The following HHLA1 variants were observed in gnomAD, a reference collection of about 807,000 sequenced individuals.
The protein encoded by HHLA1 is HHLA1 neighbor of OC90.
A neutral mutation model predicts 69.9 loss-of-function variants in HHLA1; 72 were observed. The ratio of observed to expected loss-of-function variants is 1.03; its 90% CI spans 0.85 to 1.25. The LOEUF (loss-of-function observed/expected upper bound fraction) is 1.25, where lower values mean the gene tolerates loss of function less well. Among genes scored for constraint, HHLA1 ranks in the 50% most tolerant of loss-of-function variants. The pLI, the probability that HHLA1 is intolerant of heterozygous loss-of-function variation, is 0.00. For missense variants in HHLA1, 685 were observed against 642.2 expected, an observed-to-expected ratio of 1.07 and a Z score of -0.72; for synonymous variants, 252 against 233.2, an observed-to-expected ratio of 1.08 and a Z score of -0.73.
chr8:132,072,048 G>T (rs1183040505), intron 14 of HHLA1, among the ~76,000 whole-genome samples: 1 of 152,136 alleles, frequency 6.6e-6, no homozygotes, highest in East Asian at 1.9e-4. Flanking sequence ...AAGAAGGGCA[G>T]GTTGAAAGAT....
chr8:132,108,292 GA>G (rs1250346192), intron 1 of HHLA1, among the ~76,000 whole-genome samples: 1 of 152,118 alleles, frequency 6.6e-6, no homozygotes, highest in African/African-American at 2.4e-5. Flanking sequence ...AAGTAATGGC[GA>G]AAACCTCAAT....
rs1157231389 is a variant in HHLA1, at chr8:132,070,112, C to T, written c.1469+1228G>A. On this transcript the variant is annotated intron_variant, in intron 15 of 16. Coordinates refer to ENST00000414222, the MANE Select transcript of HHLA1 (RefSeq NM_001145095.3). ...GACTCAGAGGCAGAAATTTTAAAAG[C>T]TAATGGATCTTGAGAGTAGTCTTTG... 2.2e-5 allele frequency: 6 copies of T among 269,326 alleles called. No individual in the cohort carries two copies. In the Admixed American group the frequency reaches 3.4e-4, roughly 15 times the overall value. 16.7% of individuals were successfully genotyped at this position (269,326 alleles called of 1,614,324 possible).
At chr8:132,099,190 C>T (rs1824075605) in intron 4 of HHLA1, among the ~76,000 whole-genome samples, 1 of 152,140 alleles carries the variant, frequency 6.6e-6, no homozygotes, top group Non-Finnish European at 1.5e-5. Flanking sequence ...CAATGAAGCA[C>T]AGGAAACATG....
chr8:132,086,262 A>T (rs1176558064), intron 10 of HHLA1, among the ~76,000 whole-genome samples: 1 of 152,174 alleles, frequency 6.6e-6, no homozygotes. Context: ...TCCCGTTGGG[A>T]AGACAAAGAC....
intron 1 of HHLA1, among the ~76,000 whole-genome samples, chr8:132,108,930 C>T (rs1563751571): frequency 6.6e-6 from 1 of 152,212 alleles, no homozygotes; most frequent in Non-Finnish European, 1.5e-5. Flanking sequence ...TGTCACTTCT[C>T]CACAAATCGG....
In HHLA1 at chr8:132,077,964, C is replaced by T. The variant is rs1193769692; in HGVS notation, c.933G>A (p.Arg311=). The change falls in exon 12 of 17, where the codon AGG becomes AGA. Residue 311 remains arginine, a synonymous_variant. Coordinates refer to ENST00000414222, the MANE Select transcript of HHLA1 (RefSeq NM_001145095.3). ...ASHTLPALAT[R]RVARTQWLTA... is the part of the protein sequence containing the mutation. ...TCAACCACTGAGTTCTGGCCACCCT[C>T]CTGGTAGCTGCACATTCAAAGTGAC... 1.3e-6 allele frequency: 2 copies of T among 1,551,598 alleles called. No individual in the cohort carries two copies. Among genetic ancestry groups the T allele is most frequent in the Admixed American group, 3.9e-5 (2 of 50,992 alleles).
At chr8:132,084,258 G>A (rs1428408869) in intron 10 of HHLA1, among the ~76,000 whole-genome samples, 10 of 152,080 alleles carry the variant, frequency 6.6e-5, no homozygotes, top group African/African-American at 2.2e-4. Context: ...GGAGGCTGAG[G>A]GAGAATTGGG....
intron 1 of HHLA1, 72 bp from the exon 2 acceptor site, chr8:132,105,358 G>A: frequency 1.1e-6 from 1 of 917,480 alleles, no homozygotes. Context: ...AACAGTGCGT[G>A]AGGAATCATT....
chr8:132,084,498 T>C (rs1457503475), intron 10 of HHLA1, among the ~76,000 whole-genome samples: 1 of 152,114 alleles, frequency 6.6e-6, no homozygotes, highest in Non-Finnish European at 1.5e-5. Flanking sequence ...GTTTGCCTAT[T>C]TTACGACAAG....
At chr8:132,071,805 G>C (rs147620028) in intron 14 of HHLA1, among the ~76,000 whole-genome samples, 46 of 152,288 alleles carry the variant, frequency 3.0e-4, no homozygotes, top group Middle Eastern at 3.4e-3. Flanking sequence ...TGGTGTAAGG[G>C]ACAGGGCATA....
rs188043057 is a variant in HHLA1, at chr8:132,077,121, C to T, written c.1172-578G>A. 3.3e-3 allele frequency among the ~76,000 whole-genome samples: 497 copies of T among 152,156 alleles called. 2 individuals carry two copies. Among genetic ancestry groups the T allele is most frequent in the Middle Eastern group, 0.014 (4 of 294 alleles). On this transcript the variant is annotated intron_variant, in intron 12 of 16. Transcript: ENST00000414222. ...GAGACCAGTGAGAGAGAAGCTCAAG[C>T]AGGCAAGTTCCGTCATATGGATAAG...
At position 132,065,929 on chromosome 8, in the gene HHLA1, T is replaced by C; in HGVS notation, c.1509A>G (p.Ala503=). The part of the protein sequence containing the change: ...LEYYSWFLKN[A]TYICQRVKRV... Reference sequence around the variant, plus strand: ...TTTTCACCCTCTGACAGATATATGTTGCATTCTTCAGAAACCAGGAATAGT... The same window carrying C: ...TTTTCACCCTCTGACAGATATATGTCGCATTCTTCAGAAACCAGGAATAGT... The change falls in exon 16 of 17, where the codon GCA becomes GCG. Residue 503 remains alanine, a synonymous_variant. Transcript: ENST00000414222. The C allele has an allele frequency of 7.7e-7, 1 of 1,303,124 alleles. No homozygotes were observed. The highest frequency in any genetic ancestry group is 1.0e-6 in the Non-Finnish European group (1 of 986,824). The allele number at this position is 1,303,124 out of a possible 1,614,324, so 80.7% of individuals were successfully genotyped here. A position where few individuals can be genotyped will look rare whatever the true frequency, so the allele number is the denominator to read the frequency against.
chr8:132,087,812 A>G (rs1233978566), intron 9 of HHLA1, 33 bp downstream of exon 9: 1 of 1,547,440 alleles, frequency 6.5e-7, no homozygotes, highest in African/African-American at 1.4e-5. Flanking sequence ...TTCTCAGCCC[A>G]GAGAGCTTGT....
intron 8 of HHLA1, 128 bp downstream of exon 8, chr8:132,089,388 A>G (rs1823909036): frequency 1.5e-6 from 1 of 684,088 alleles, no homozygotes; most frequent in African/African-American, 1.8e-5. Flanking sequence ...CTAAATAAAG[A>G]TTACATGAAC....
rs1188327629 is a variant in HHLA1 at position 132,087,651 on chromosome 8, AC to A, written c.676+1del. On this transcript the variant is annotated splice_donor_variant, in intron 10 of 16. Transcript: ENST00000414222. LOFTEE classifies it high-confidence loss of function. ...GGAGGAGTTTGGGAGGTTGGTACTC[AC>A]CCAGAACACCAGACAAGCCGCTGGT... The A allele has an allele frequency of 6.5e-7, 1 of 1,546,650 alleles. No individual in the cohort carries two copies. Among genetic ancestry groups the A allele is most frequent in the Non-Finnish European group, 8.8e-7 (1 of 1,142,446 alleles).
chr8:132,063,692 G>A lies in HHLA1; in HGVS notation c.*303C>T, dbSNP rs750806005. On this transcript the variant is annotated 3_prime_UTR_variant, in exon 17 of 17. Coordinates refer to ENST00000414222, the MANE Select transcript of HHLA1 (RefSeq NM_001145095.3). ...TTTTAAATTGTCAGGATTGCCTCAA[G>A]CATTGTAGGAGTTTCTTGAGCATGA... is the stretch of plus-strand genomic sequence containing the variant. 1 of 167,886 alleles carries A rather than the reference G, an allele frequency of 6.0e-6. No individual in the cohort carries two copies. Among genetic ancestry groups the A allele is most frequent in the South Asian group, 1.6e-4 (1 of 6,400 alleles). The allele number at this position is 167,886 out of a possible 1,614,324, so 10.4% of individuals were successfully genotyped here. A position where few individuals can be genotyped will look rare whatever the true frequency, so the allele number is the denominator to read the frequency against.
chr8:132,102,792 ATTTTTTTTTTTTTT>A (rs3048490), intron 3 of HHLA1, among the ~76,000 whole-genome samples: 6 of 143,858 alleles, frequency 4.2e-5, no homozygotes, highest in Admixed American at 6.9e-5. Flanking sequence ...ACTGAGCACC[ATTTTTTTTTTTTTT>A]TTTTTTTTTT....
At position 132,071,399 on chromosome 8, in the gene HHLA1, G is replaced by A. The variant is rs1474086879; in HGVS notation, c.1410C>T (p.Cys470=). 3 of 1,551,678 alleles carry A rather than the reference G, an allele frequency of 1.9e-6. No individual in the cohort carries two copies. The highest frequency in any genetic ancestry group is 1.7e-4 in the Middle Eastern group (1 of 5,992). ...QRLNPCLMEL[C]QFFQQCLCMS... ...TGCAGAGGCATTGCTGGAAGAATTG[G>A]CACAGCTCCATCAGGCATGGGTTGA... The change falls in exon 15 of 17, where the codon TGC becomes TGT. Residue 470 remains cysteine, a synonymous_variant. Coordinates refer to ENST00000414222, the MANE Select transcript of HHLA1 (RefSeq NM_001145095.3).
At chr8:132,095,197 G>C (rs1025432437) in intron 7 of HHLA1, among the ~76,000 whole-genome samples, 1 of 152,112 alleles carries the variant, frequency 6.6e-6, no homozygotes, top group East Asian at 1.9e-4. Flanking sequence ...GGCCAAATTT[G>C]AGCACTCTCA....
Sources: gnomAD v4.1 joint callset for allele counts (sites outside exome capture counted in the v4.1 genomes callset) on GRCh38, gnomAD v4.1.1 for gene constraint, MANE v1.5 for transcripts, NCBI Gene and HGNC (gene_info 2026-07-23, HGNC 2026-07-21) for gene names.